TSHR: variants seen among roughly 807,000 people sequenced by gnomAD.
TSHR encodes the protein thyroid stimulating hormone receptor, also known as thyrotropin receptor.
A neutral mutation model predicts 64.1 loss-of-function variants in TSHR; 51 were observed. That is an observed-to-expected ratio of 0.80 (90% CI 0.64 to 1.01). The LOEUF is 1.01. Among genes scored for constraint, TSHR ranks in the 50% least tolerant of loss-of-function variants. The pLI, the probability that TSHR is intolerant of heterozygous loss-of-function variation, is 0.00. For synonymous variants in TSHR, 361 were observed against 361.9 expected, an observed-to-expected ratio of 1.00 and a Z score of 0.03; for missense variants, 877 against 942.8, an observed-to-expected ratio of 0.93 and a Z score of 0.91.
rs368195048 is a variant in TSHR at position 81,138,187 on chromosome 14, A to ATT, written c.693-1472_693-1471dup. 3.1e-3 allele frequency among the ~76,000 whole-genome samples: 400 copies of ATT among 130,344 alleles called. 6 individuals carry two copies. Among genetic ancestry groups the ATT allele is most frequent in the African/African-American group, 8.5e-3 (289 of 34,164 alleles). 85.5% of individuals were successfully genotyped at this position (130,344 alleles called of 152,430 possible). On this transcript the variant is annotated intron_variant, in intron 8 of 9. Coordinates refer to ENST00000298171, the MANE Select transcript of TSHR (RefSeq NM_000369.5). ...AATACAGGAACAAGCGCCAAGGGTA[A>ATT]TTTTTTTTTTTTTTTTTTTTTGAGA...
At chr14:80,956,425 G>C (rs1257455868) in intron 1 of TSHR, among the ~76,000 whole-genome samples, 1 of 152,136 alleles carries the variant, frequency 6.6e-6, no homozygotes, top group Non-Finnish European at 1.5e-5. Context: ...CCAGAACCCT[G>C]CTTTGTGATA....
chr14:81,108,623 G>A (rs143663515), intron 8 of TSHR, 171 bp downstream of exon 8: 24 of 1,613,810 alleles, frequency 1.5e-5, no homozygotes, highest in African/African-American at 1.5e-4. Context: ...CTACCTCTTG[G>A]AAGAAAGTCC....
chr14:80,971,905 TA>T (rs1389804610), intron 1 of TSHR, among the ~76,000 whole-genome samples: 19 of 152,324 alleles, frequency 1.2e-4, no homozygotes, highest in Non-Finnish European at 1.5e-5. Flanking sequence ...TACACTTCCC[TA>T]GGGGGATCCA....
At position 81,005,422 on chromosome 14, in the gene TSHR, T is replaced by C. The variant is rs138038026; in HGVS notation, c.170+49572T>C. Among the ~76,000 whole-genome samples, 6 of 147,872 alleles carry C rather than the reference T, an allele frequency of 4.1e-5. No homozygotes were observed. In the East Asian group the frequency reaches 1.2e-3, roughly 30 times the overall value. Reference sequence around the variant, plus strand: ...ATTCAAAAAGCATGAATTTTTAAAATTATAAGAGAAAGTTCTAATATTTTT... The same window carrying C: ...ATTCAAAAAGCATGAATTTTTAAAACTATAAGAGAAAGTTCTAATATTTTT... On this transcript the variant is annotated intron_variant, in intron 1 of 9. Transcript: ENST00000298171.
intron 1 of TSHR, among the ~76,000 whole-genome samples, chr14:80,965,439 G>A (rs1037621032): frequency 5.9e-5 from 9 of 152,076 alleles, no homozygotes; most frequent in African/African-American, 1.9e-4. Context: ...CTCACACTTA[G>A]CCTGTCCCTT....
chr14:81,143,686 T>C lies in TSHR; in HGVS notation c.1628T>C (p.Val543Ala). 1.2e-6 allele frequency: 2 copies of C among 1,614,132 alleles called. No individual in the cohort carries two copies. Among genetic ancestry groups the C allele is most frequent in the Non-Finnish European group, 1.7e-6 (2 of 1,180,026 alleles). The change falls in exon 10 of 10, where the codon GTT (valine) becomes GCT (alanine). Residue 543 changes from valine to alanine, a missense_variant. Physicochemically the swap from Val to Ala is moderately conservative, Grantham distance 64 (BLOSUM62 0). Coordinates refer to ENST00000298171, the MANE Select transcript of TSHR (RefSeq NM_000369.5). ...CTCAGGCACGCATGTGCCATCATGG[T>C]TGGGGGCTGGGTTTGCTGCTTCCTT... ...IRLRHACAIM[V>A]GGWVCCFLLA... is the part of the protein sequence containing the mutation.
chr14:81,100,619 G>A (rs1208632451), intron 7 of TSHR, among the ~76,000 whole-genome samples: 2 of 152,216 alleles, frequency 1.3e-5, no homozygotes, highest in Admixed American at 6.5e-5. Flanking sequence ...GCTTCTGACT[G>A]ACCAATTATA....
At chr14:81,021,636 C>A (rs979883570) in intron 1 of TSHR, among the ~76,000 whole-genome samples, 3 of 152,284 alleles carry the variant, frequency 2.0e-5, no homozygotes, top group Non-Finnish European at 4.4e-5. Context: ...ACCTTATATT[C>A]AATGGACATT....
chr14:80,964,267 G>C (rs1039112241), intron 1 of TSHR, among the ~76,000 whole-genome samples: 3 of 152,154 alleles, frequency 2.0e-5, no homozygotes, highest in Non-Finnish European at 2.9e-5. Flanking sequence ...TGATATCAGA[G>C]GCATAGATCC....
chr14:81,055,853 G>A (rs1885758544), intron 1 of TSHR, among the ~76,000 whole-genome samples: 1 of 152,202 alleles, frequency 6.6e-6, no homozygotes, highest in African/African-American at 2.4e-5. Flanking sequence ...TGTCTCAGAT[G>A]AGACTTTGGA....
chr14:81,028,914 G>A (rs1884208907), intron 1 of TSHR, among the ~76,000 whole-genome samples: 1 of 151,724 alleles, frequency 6.6e-6, no homozygotes, highest in African/African-American at 2.4e-5. Flanking sequence ...TAAACCTTTG[G>A]TAAGGTTGAT....
chr14:81,068,697 G>A (rs78213810), intron 3 of TSHR, among the ~76,000 whole-genome samples: 35 of 152,226 alleles, frequency 2.3e-4, no homozygotes, highest in African/African-American at 4.8e-4. Flanking sequence ...TCCTTAATTC[G>A]GAAAGAGAAG....
intron 7 of TSHR, among the ~76,000 whole-genome samples, chr14:81,100,018 G>A (rs10136213): frequency 0.26 from 38,982 of 152,028 alleles, 7,470 homozygotes; most frequent in African/African-American, 0.54. Context: ...ATGGAAAAAC[G>A]AACAAGTGAA....
rs1216785011 is a variant in TSHR, at chr14:81,143,738, A to G, written c.1680A>G (p.Ile560Met). The G allele has an allele frequency of 1.2e-6, 2 of 1,614,108 alleles. No homozygotes were observed. The highest frequency in any genetic ancestry group is 1.7e-5 in the Admixed American group (1 of 60,024). Reference protein sequence around the residue: ...FLLALLPLVGISSYAKVSICL... With the variant: ...FLLALLPLVGMSSYAKVSICL... Reference sequence around the variant, plus strand: ...TCGCCCTGCTTCCTTTGGTGGGAATAAGTAGCTATGCCAAAGTCAGTATCT... The same window carrying G: ...TCGCCCTGCTTCCTTTGGTGGGAATGAGTAGCTATGCCAAAGTCAGTATCT... Residue 560 changes from isoleucine (I) to methionine (M), a missense_variant, in exon 10 of 10, where the codon ATA becomes ATG. Transcript: ENST00000298171.
chr14:80,989,921 T>A (rs193239116), intron 1 of TSHR, among the ~76,000 whole-genome samples: 1 of 152,312 alleles, frequency 6.6e-6, no homozygotes, highest in Admixed American at 6.5e-5. Context: ...CCAACTCTCC[T>A]GAATTGTTTT....
chr14:81,006,566 G>T (rs879888411), intron 1 of TSHR, among the ~76,000 whole-genome samples: 1 of 151,744 alleles, frequency 6.6e-6, no homozygotes. Context: ...AGGCGAGAGC[G>T]CAGTGGTGCA....
intron 1 of TSHR, among the ~76,000 whole-genome samples, chr14:80,974,096 G>T (rs532499471): frequency 6.6e-6 from 1 of 152,156 alleles, no homozygotes; most frequent in Non-Finnish European, 1.5e-5. Flanking sequence ...AACAGAATAC[G>T]CCTTGATCAC....
chr14:81,108,295 C>A, intron 7 of TSHR, 80 bp from the exon 8 acceptor site: 1 of 1,163,976 alleles, frequency 8.6e-7, no homozygotes, highest in Non-Finnish European at 1.3e-6. Context: ...ACATTTTATT[C>A]TGATATTTGT....
intron 4 of TSHR, among the ~76,000 whole-genome samples, chr14:81,088,904 G>T (rs972260752): frequency 3.3e-5 from 5 of 151,526 alleles, no homozygotes; most frequent in African/African-American, 4.8e-5. Flanking sequence ...AGATAGAAAA[G>T]AAATTTAGCT....
Sources: gnomAD v4.1 joint callset for allele counts (sites outside exome capture counted in the v4.1 genomes callset) on GRCh38, gnomAD v4.1.1 for gene constraint, MANE v1.5 for transcripts, NCBI Gene and HGNC (gene_info 2026-07-23, HGNC 2026-07-21) for gene names.